Variants in SARDH observed in about 807,000 individuals in gnomAD.
SARDH encodes sarcosine dehydrogenase, also known as sarcosine dehydrogenase, mitochondrial.
SARDH carries 95 observed loss-of-function variants against 109.1 expected under a neutral mutation model. That is an observed-to-expected ratio of 0.87 (90% CI 0.74 to 1.03). SARDH has a LOEUF of 1.03. Ranked by LOEUF, SARDH falls within the 50% of genes least tolerant of loss-of-function variation. The probability of loss-of-function intolerance (pLI) is 0.00; values close to 1 mark genes in which losing one functional copy is unlikely to be tolerated. For missense variants in SARDH, 1,267 were observed against 1,287.8 expected (o/e 0.98, Z 0.25); for synonymous variants, 572 against 534.8 (o/e 1.07, Z -0.96).
At chr9:133,672,942 G>A (rs1830398060) in intron 17 of SARDH, among the ~76,000 whole-genome samples, 2 of 152,240 alleles carry the variant, frequency 1.3e-5, no homozygotes, top group Admixed American at 1.3e-4. Flanking sequence ...AAGCCCTGCA[G>A]AAGTGACAGT....
intron 16 of SARDH, among the ~76,000 whole-genome samples, chr9:133,688,007 C>T (rs376808805): frequency 2.0e-5 from 3 of 152,230 alleles, no homozygotes; most frequent in South Asian, 4.1e-4. Flanking sequence ...GCCCCCGGGC[C>T]GCACCTTGAT....
chr9:133,716,943 G>A (rs1019123389), intron 8 of SARDH, among the ~76,000 whole-genome samples: 2 of 152,108 alleles, frequency 1.3e-5, no homozygotes, highest in Non-Finnish European at 2.9e-5. Flanking sequence ...TTCCATTCCT[G>A]GCTCAGCCTC....
chr9:133,699,741 T>C (rs1831413432), intron 13 of SARDH, among the ~76,000 whole-genome samples: 1 of 152,174 alleles, frequency 6.6e-6, no homozygotes, highest in South Asian at 2.1e-4. Flanking sequence ...GGCGAGGATG[T>C]GGAGACACTG....
chr9:133,731,572 C>T, intron 3 of SARDH, 88 bp from the exon 4 acceptor site: 1 of 1,340,704 alleles, frequency 7.5e-7, no homozygotes, highest in Non-Finnish European at 1.0e-6. Flanking sequence ...CACCGCAAAC[C>T]CCAGCCTCAC....
At chr9:133,717,812 C>A (rs1832184414) in intron 7 of SARDH, among the ~76,000 whole-genome samples, 1 of 152,206 alleles carries the variant, frequency 6.6e-6, no homozygotes, top group African/African-American at 2.4e-5. Flanking sequence ...GCCACCCTGA[C>A]CTTCCTGCAG....
downstream of SARDH, among the ~76,000 whole-genome samples, chr9:133,662,368 C>G (rs1431126541): frequency 6.6e-6 from 1 of 152,160 alleles, no homozygotes; most frequent in Non-Finnish European, 1.5e-5. This position sits in a 1 kb window ranked among gnomAD's most constrained non-coding sequence, Gnocchi z 5.1. Context: ...TATGGCCAAA[C>G]CGCAGACCCG....
chr9:133,659,588 C>T (rs979749069), downstream of SARDH, among the ~76,000 whole-genome samples: 4 of 152,232 alleles, frequency 2.6e-5, no homozygotes, highest in Admixed American at 2.6e-4. Context: ...CGCTGCCCAG[C>T]CTCATGGGGA....
At chr9:133,730,223 G>T (rs1419048447) in intron 4 of SARDH, 36 bp from the exon 5 acceptor site, 1 of 1,610,372 alleles carries the variant, frequency 6.2e-7, no homozygotes, top group Non-Finnish European at 8.5e-7. Flanking sequence ...AAATCCCACG[G>T]GACTCCCCGG....
Position 133,680,853 on chromosome 9 carries a change from G to A in SARDH, c.2163+4340C>T, listed in dbSNP as rs146456137. Among the ~76,000 whole-genome samples, 455 of 152,318 alleles carry A rather than the reference G, an allele frequency of 3.0e-3. 3 individuals are homozygous for A. Among genetic ancestry groups the A allele is most frequent in the African/African-American group, 0.01 (427 of 41,588 alleles). ...TGCCGGGAGGACAAGGAGGGAGAGGGACGAGAAGCCAGTGGGGCTGCGCTC... is the reference window on the plus strand; with the variant it reads ...TGCCGGGAGGACAAGGAGGGAGAGGAACGAGAAGCCAGTGGGGCTGCGCTC... On this transcript the variant is annotated intron_variant, in intron 17 of 20. Transcript: ENST00000439388.
intron 16 of SARDH, among the ~76,000 whole-genome samples, chr9:133,687,456 G>GT (rs1338883422): frequency 2.6e-5 from 4 of 152,040 alleles, no homozygotes; most frequent in Non-Finnish European, 4.4e-5. Context: ...TTTTTTTGTT[G>GT]TTTTTTTAGA....
chr9:133,670,801 C>A (rs546492241), intron 18 of SARDH, 49 bp from the exon 19 acceptor site: 2 of 1,503,246 alleles, frequency 1.3e-6, no homozygotes, highest in African/African-American at 2.8e-5. Context: ...GGGGGATAAG[C>A]CCTTCAGGAG....
Position 133,686,315 on chromosome 9 carries a change from C to G in SARDH, c.2070-1029G>C, listed in dbSNP as rs1404095590. ...AAGCCCTCACCTCCTGGGCACCGTG[C>G]CCACCTCCAGGCCTAGCCCTCTTGT... is the stretch of plus-strand genomic sequence containing the variant. On this transcript the variant is annotated intron_variant, in intron 16 of 20. Transcript: ENST00000439388. The surrounding 1 kb of genome is among the most constrained non-coding windows in gnomAD (Gnocchi z 4.0). Among the ~76,000 whole-genome samples, 1 of 152,062 alleles carries G rather than the reference C, an allele frequency of 6.6e-6. No homozygotes were observed. The highest frequency in any genetic ancestry group is 1.5e-5 in the Non-Finnish European group (1 of 67,998).
chr9:133,683,064 C>T (rs575919999), intron 17 of SARDH, among the ~76,000 whole-genome samples: 4 of 152,360 alleles, frequency 2.6e-5, no homozygotes, highest in Admixed American at 1.3e-4. Flanking sequence ...TGGCCTGTTC[C>T]TCTGGGGGAT....
intron 8 of SARDH, among the ~76,000 whole-genome samples, chr9:133,715,313 TA>T (rs1242445368): frequency 3.9e-5 from 6 of 151,994 alleles, no homozygotes; most frequent in Non-Finnish European, 7.4e-5. Flanking sequence ...CCAGGCTAAT[TA>T]AAACGAGAGG....
rs1831205199 is a variant in SARDH at position 133,694,295 on chromosome 9, G to T, written c.1884C>A (p.Pro628=). 1 of 1,550,590 alleles carries T rather than the reference G, an allele frequency of 6.4e-7. No individual in the cohort carries two copies. The highest frequency in any genetic ancestry group is 1.4e-5 in the African/African-American group (1 of 73,156). ...ESDLTVSRLA[P]SHQASPLAPA... Reference sequence around the variant, plus strand: ...GGGCCAGCGGGGAGGCCTGGTGGCTGGGTGCCAGGCGGCTGACAGTCAGGT... The same window carrying T: ...GGGCCAGCGGGGAGGCCTGGTGGCTTGGTGCCAGGCGGCTGACAGTCAGGT... Residue 628 remains proline, a synonymous_variant, in exon 15 of 21, where the codon CCC becomes CCA. Coordinates refer to ENST00000439388, the MANE Select transcript of SARDH (RefSeq NM_001134707.2).
At chr9:133,731,230 C>T in intron 4 of SARDH, 75 bp downstream of exon 4, 4 of 1,557,366 alleles carry the variant, frequency 2.6e-6, no homozygotes, top group South Asian at 2.4e-5. Flanking sequence ...GTTCTCTTCC[C>T]TTCTGCTCTC....
rs1292920045 is a variant in SARDH, at chr9:133,709,302, C to T, written c.1329-874G>A. Among the ~76,000 whole-genome samples the T allele has an allele frequency of 3.3e-5, 5 of 152,150 alleles. No individual in the cohort carries two copies. The highest frequency in any genetic ancestry group is 9.7e-5 in the African/African-American group (4 of 41,444). On this transcript the variant is annotated intron_variant, in intron 10 of 20. Transcript: ENST00000439388. The surrounding 1 kb of genome is among the most constrained non-coding windows in gnomAD (Gnocchi z 4.2). ...CTGAGTGGGCAGAGCAATCAGTGCC[C>T]CGCGGCTTGTTCCCTGGTCTCCTCA... is the stretch of plus-strand genomic sequence containing the variant.
chr9:133,732,187 C>T (rs1018651044), intron 3 of SARDH, among the ~76,000 whole-genome samples: 1 of 152,038 alleles, frequency 6.6e-6, no homozygotes, highest in Non-Finnish European at 1.5e-5. Context: ...CAGAAGGGTG[C>T]CCACCGACAT....
chr9:133,661,672 G>GACTT (rs1832417149), downstream of SARDH, among the ~76,000 whole-genome samples: 1 of 152,012 alleles, frequency 6.6e-6, no homozygotes, highest in African/African-American at 2.4e-5. Context: ...GTAGAGATGA[G>GACTT]ACTTCACCAT....
Sources: gnomAD v4.1 joint callset for allele counts (sites outside exome capture counted in the v4.1 genomes callset) on GRCh38, gnomAD v4.1.1 for gene constraint, Gnocchi (gnomAD v3.1) non-coding constraint, MANE v1.5 for transcripts, NCBI Gene and HGNC (gene_info 2026-07-23, HGNC 2026-07-21) for gene names.